Variants in ZDHHC17 observed in about 807,000 individuals in gnomAD.
The protein encoded by ZDHHC17 is zDHHC palmitoyltransferase 17, also known as palmitoyltransferase ZDHHC17.
A neutral mutation model predicts 90.3 loss-of-function variants in ZDHHC17; 40 were observed. The ratio of observed to expected loss-of-function variants is 0.44; its 90% CI spans 0.34 to 0.58. ZDHHC17 has a LOEUF of 0.58. Ranked by LOEUF, ZDHHC17 falls within the 20% of genes least tolerant of loss-of-function variation. ZDHHC17 has a pLI of 0.01. For synonymous variants in ZDHHC17, 235 were observed against 252.4 expected, an observed-to-expected ratio of 0.93 and a Z score of 0.65; for missense variants, 614 against 780.8, an observed-to-expected ratio of 0.79 and a Z score of 2.55.
chr12:76,765,344 A>G (rs1021825446), intron 1 of ZDHHC17, among the ~76,000 whole-genome samples: 7 of 152,220 alleles, frequency 4.6e-5, no homozygotes, highest in African/African-American at 1.2e-4. Flanking sequence ...AATGACAACC[A>G]TCCTTTTATG....
intron 8 of ZDHHC17, among the ~76,000 whole-genome samples, chr12:76,823,981 G>A (rs537387786): frequency 3.5e-3 from 526 of 152,144 alleles, no homozygotes; most frequent in African/African-American, 0.012. Context: ...GCTGTCTTAT[G>A]ATAATTAGGC....
intron 10 of ZDHHC17, among the ~76,000 whole-genome samples, chr12:76,832,048 T>G (rs1330733470): frequency 6.6e-6 from 1 of 152,244 alleles, no homozygotes; most frequent in Non-Finnish European, 1.5e-5. Context: ...AACTGTATAC[T>G]TCATGTTATA....
At chr12:76,819,984 A>T (rs1313849409) in intron 7 of ZDHHC17, among the ~76,000 whole-genome samples, 3 of 132,008 alleles carry the variant, frequency 2.3e-5, no homozygotes, top group Non-Finnish European at 4.9e-5. Flanking sequence ...CAAGAGTGAA[A>T]CTATGTCTTA....
chr12:76,831,484 G>GGGATTATAGGT (rs1283835898), intron 10 of ZDHHC17, among the ~76,000 whole-genome samples: 7 of 152,008 alleles, frequency 4.6e-5, no homozygotes, highest in African/African-American at 1.7e-4. Flanking sequence ...CCGAGTAGCT[G>GGGATTATAGGT]GGATTATAGG....
At chr12:76,800,223 G>T (rs982124273) in intron 2 of ZDHHC17, among the ~76,000 whole-genome samples, 1 of 152,126 alleles carries the variant, frequency 6.6e-6, no homozygotes. Flanking sequence ...TCAGAATGTC[G>T]TTTATTTTGT....
At chr12:76,784,669 C>G (rs1455217433) in intron 1 of ZDHHC17, among the ~76,000 whole-genome samples, 1 of 152,190 alleles carries the variant, frequency 6.6e-6, no homozygotes, top group Admixed American at 6.5e-5. Context: ...GTTGAGCCAA[C>G]TTTCCACGAG....
At chr12:76,794,079 G>A (rs1226266389) in intron 1 of ZDHHC17, among the ~76,000 whole-genome samples, 1 of 152,006 alleles carries the variant, frequency 6.6e-6, no homozygotes, top group South Asian at 2.1e-4. Flanking sequence ...TAGAGACGGG[G>A]TTTCACTGTG....
intron 1 of ZDHHC17, among the ~76,000 whole-genome samples, chr12:76,765,660 TGTGAAAGTATTC>T (rs1446879908): frequency 6.6e-6 from 1 of 152,250 alleles, no homozygotes; most frequent in Non-Finnish European, 1.5e-5. Context: ...CATCTGTTCC[TGTGAAAGTATTC>T]GTGAAAGTAT....
At chr12:76,770,926 C>CAAAAAAAAAAAAAAAAAAAA (rs34292734) in intron 1 of ZDHHC17, among the ~76,000 whole-genome samples, 1 of 76,194 alleles carries the variant, frequency 1.3e-5, no homozygotes, top group Non-Finnish European at 2.5e-5. Context: ...AACTCCATCT[C>CAAAAAAAAAAAAAAAAAAAA]AAAAAAAAAA....
intron 8 of ZDHHC17, among the ~76,000 whole-genome samples, chr12:76,826,468 T>C (rs1953231166): frequency 6.6e-6 from 1 of 152,208 alleles, no homozygotes; most frequent in Non-Finnish European, 1.5e-5. Flanking sequence ...ATACTATTTA[T>C]CATTTGAAAT....
At chr12:76,826,510 T>G (rs775090376) in intron 8 of ZDHHC17, among the ~76,000 whole-genome samples, 1 of 152,204 alleles carries the variant, frequency 6.6e-6, no homozygotes. Flanking sequence ...TCAGGTTTCC[T>G]TATGTGTTAT....
rs57545906 is a variant in ZDHHC17, at chr12:76,847,130, A to G, written c.1507+451A>G. ...TAATTATTGCCTATTAGAGAATATT[A>G]GTAAATATCAGAAGTTACCTTTTTA... is the stretch of plus-strand genomic sequence containing the variant. On this transcript the variant is annotated intron_variant, in intron 14 of 16. Coordinates refer to ENST00000426126, the MANE Select transcript of ZDHHC17 (RefSeq NM_015336.4). Among the ~76,000 whole-genome samples, 1,410 of 152,368 alleles carry G rather than the reference A, an allele frequency of 9.3e-3. 27 individuals are homozygous for G. The highest frequency in any genetic ancestry group is 0.032 in the African/African-American group (1,351 of 41,584).
rs764973646 is a variant in ZDHHC17 at position 76,812,755 on chromosome 12, C to G, written c.544-2391C>G. On this transcript the variant is annotated intron_variant, in intron 5 of 16. Transcript: ENST00000426126. ...AATTTTACATTGTCAGGGTATATAA[C>G]ATTTCCATTCAGTTTTGTCATTCTA... is the stretch of plus-strand genomic sequence containing the variant. Among the ~76,000 whole-genome samples, 36 of 152,076 alleles carry G rather than the reference C, an allele frequency of 2.4e-4. 1 individual carries two copies. Among genetic ancestry groups the G allele is most frequent in the Non-Finnish European group, 5.9e-5 (4 of 68,006 alleles).
At chr12:76,843,096 G>T in intron 12 of ZDHHC17, 115 bp downstream of exon 12, 2 of 722,890 alleles carry the variant, frequency 2.8e-6, no homozygotes. Flanking sequence ...CACATTCCCT[G>T]CTTCTTGGTA....
At chr12:76,828,297 A>T in intron 9 of ZDHHC17, 93 bp from the exon 10 acceptor site, 2 of 1,084,570 alleles carry the variant, frequency 1.8e-6, no homozygotes, top group Non-Finnish European at 2.6e-6. Flanking sequence ...ACCAATGCTT[A>T]CTATACAAAA....
At chr12:76,772,873 A>AG (rs1952512549) in intron 1 of ZDHHC17, among the ~76,000 whole-genome samples, 3 of 150,078 alleles carry the variant, frequency 2.0e-5, no homozygotes, top group African/African-American at 7.4e-5. Flanking sequence ...TCTTTGGGAG[A>AG]GGGATGGAGT....
At position 76,850,950 on chromosome 12, in the gene ZDHHC17, G is replaced by T; in HGVS notation, c.1864G>T (p.Asp622Tyr). Residue 622 changes from aspartate (D) to tyrosine (Y), a missense_variant, in exon 17 of 17, where the codon GAC becomes TAC. Physicochemically the swap from Asp to Tyr is radical, Grantham distance 160 (BLOSUM62 -3). Transcript: ENST00000426126. ...DWTRQYTIEY[D>Y]QISGSGYQLV Reference sequence around the variant, plus strand: ...GACCAGGCAGTATACAATAGAATATGACCAAATATCAGGATCTGGGTACCA... The same window carrying T: ...GACCAGGCAGTATACAATAGAATATTACCAAATATCAGGATCTGGGTACCA... 6.2e-7 allele frequency: 1 copy of T among 1,613,862 alleles called. No homozygotes were observed. Among genetic ancestry groups the T allele is most frequent in the South Asian group, 1.1e-5 (1 of 91,060 alleles).
chr12:76,839,290 G>T (rs780961984), intron 10 of ZDHHC17, among the ~76,000 whole-genome samples: 5 of 152,220 alleles, frequency 3.3e-5, no homozygotes, highest in Non-Finnish European at 7.3e-5. Context: ...TTTTCATACT[G>T]CTAGTACAGG....
intron 10 of ZDHHC17, among the ~76,000 whole-genome samples, chr12:76,830,662 C>A (rs555966330): frequency 1.3e-5 from 2 of 152,220 alleles, no homozygotes; most frequent in African/African-American, 4.8e-5. Flanking sequence ...TCTGAAATGA[C>A]TTTAGTATTC....
Sources: gnomAD v4.1 joint callset for allele counts (sites outside exome capture counted in the v4.1 genomes callset) on GRCh38, gnomAD v4.1.1 for gene constraint, MANE v1.5 for transcripts, NCBI Gene and HGNC (gene_info 2026-07-23, HGNC 2026-07-21) for gene names.